Variants in NR3C2 observed in about 807,000 individuals in gnomAD.
NR3C2 encodes the protein nuclear receptor subfamily 3 group C member 2, also known as mineralocorticoid receptor.
A neutral mutation model predicts 86.4 loss-of-function variants in NR3C2; 15 were observed. The ratio of observed to expected loss-of-function variants is 0.17; its 90% CI spans 0.12 to 0.27. The LOEUF (loss-of-function observed/expected upper bound fraction) is 0.27, where lower values mean the gene tolerates loss of function less well. NR3C2 is among the 10% of genes least tolerant of loss of function. The pLI is 1.00. For synonymous variants in NR3C2, 458 were observed against 450.5 expected (o/e 1.02, Z -0.21); for missense variants, 960 against 1,195.6 (o/e 0.80, Z 2.91).
In NR3C2 at chr4:148,385,156, G is replaced by A. The variant is rs72656882; in HGVS notation, c.1757+49948C>T. On this transcript the variant is annotated intron_variant, in intron 2 of 8. Coordinates refer to ENST00000358102, the MANE Select transcript of NR3C2 (RefSeq NM_000901.5). The stretch of plus-strand genomic sequence containing the variant: ...GCAACAATGATACTGCCAAAGAGGG[G>A]CTCTGAGAAATAAAATACCATCCAA... 1.6e-3 allele frequency among the ~76,000 whole-genome samples: 251 copies of A among 152,266 alleles called. 2 individuals are homozygous for A. The highest frequency in any genetic ancestry group is 5.3e-3 in the African/African-American group (221 of 41,572).
At chr4:148,272,461 G>GGT (rs1321505752) in intron 2 of NR3C2, among the ~76,000 whole-genome samples, 1 of 151,978 alleles carries the variant, frequency 6.6e-6, no homozygotes, top group Non-Finnish European at 1.5e-5. Flanking sequence ...TTAAGCCTGT[G>GGT]GTGTGTGTGT....
chr4:148,325,519 A>G (rs560106293), intron 2 of NR3C2, among the ~76,000 whole-genome samples: 94 of 143,562 alleles, frequency 6.5e-4, no homozygotes, highest in Non-Finnish European at 1.1e-3. Context: ...ATGACATTAC[A>G]TTAATGTGCA....
chr4:148,215,528 T>A lies in NR3C2; in HGVS notation c.1898-20666A>T, dbSNP rs181414743. 3.7e-3 allele frequency among the ~76,000 whole-genome samples: 558 copies of A among 152,320 alleles called. 2 individuals carry two copies. Among genetic ancestry groups the A allele is most frequent in the Non-Finnish European group, 4.7e-3 (322 of 68,036 alleles). On this transcript the variant is annotated intron_variant, in intron 3 of 8. Coordinates refer to ENST00000358102, the MANE Select transcript of NR3C2 (RefSeq NM_000901.5). Reference sequence around the variant, plus strand: ...AATTCATTAAACTGCATCACAGCAATGCCACACGTGACCAAGGATATGCAT... The same window carrying A: ...AATTCATTAAACTGCATCACAGCAAAGCCACACGTGACCAAGGATATGCAT...
chr4:148,198,760 GTGA>G, intron 3 of NR3C2, among the ~76,000 whole-genome samples: 1 of 151,998 alleles, frequency 6.6e-6, no homozygotes, highest in Admixed American at 6.5e-5. Context: ...AGAGGTGGTA[GTGA>G]TGAACATTTT....
intron 2 of NR3C2, among the ~76,000 whole-genome samples, chr4:148,408,397 G>C (rs1382313266): frequency 6.6e-6 from 1 of 152,144 alleles, no homozygotes; most frequent in Non-Finnish European, 1.5e-5. Context: ...TGACTATAGA[G>C]GTAGGTTCTC....
intron 8 of NR3C2, among the ~76,000 whole-genome samples, chr4:148,099,241 G>A (rs187913779): frequency 1.3e-5 from 2 of 152,334 alleles, no homozygotes; most frequent in African/African-American, 4.8e-5. Flanking sequence ...ATTTCCAGAT[G>A]GGAGCAGCAG....
chr4:148,142,288 G>A (rs576371635), intron 6 of NR3C2, among the ~76,000 whole-genome samples: 30 of 152,264 alleles, frequency 2.0e-4, no homozygotes, highest in Admixed American at 9.8e-4. Flanking sequence ...GGGCAGGAGC[G>A]TTACTAGGGA....
rs138285510 is a variant in NR3C2, at chr4:148,180,914, G to A, written c.2014+13832C>T. 4.6e-3 allele frequency among the ~76,000 whole-genome samples: 695 copies of A among 152,198 alleles called. 20 individuals are homozygous for A. The highest frequency in any genetic ancestry group is 0.011 in the East Asian group (57 of 5,176). ...TTAGTGAATGATTCCCAGTATTGGC[G>A]TTGTTTCCCTTCCCTCTTCCCCTAG... On this transcript the variant is annotated intron_variant, in intron 4 of 8. Transcript: ENST00000358102.
intron 6 of NR3C2, among the ~76,000 whole-genome samples, chr4:148,122,116 T>C (rs1732534650): frequency 6.6e-6 from 1 of 152,222 alleles, no homozygotes; most frequent in Non-Finnish European, 1.5e-5. Context: ...GAATGGATAG[T>C]ACATGGTTGC....
At chr4:148,269,790 G>A (rs1740581880) in intron 2 of NR3C2, among the ~76,000 whole-genome samples, 2 of 152,146 alleles carry the variant, frequency 1.3e-5, no homozygotes, top group South Asian at 4.1e-4. Context: ...TGAACTTACT[G>A]CCTCATCTGT....
chr4:148,131,690 C>T (rs1325640991), intron 6 of NR3C2, among the ~76,000 whole-genome samples: 1 of 152,154 alleles, frequency 6.6e-6, no homozygotes, highest in Non-Finnish European at 1.5e-5. Flanking sequence ...TTGTGGTCTG[C>T]CTTACTGGTC....
At chr4:148,167,519 T>C (rs556503396) in intron 4 of NR3C2, among the ~76,000 whole-genome samples, 28 of 152,300 alleles carry the variant, frequency 1.8e-4, no homozygotes, top group African/African-American at 6.3e-4. Context: ...GATATGATCA[T>C]AGAGGATAAA....
chr4:148,440,893 G>T (rs1750306565), intron 1 of NR3C2, among the ~76,000 whole-genome samples: 1 of 152,186 alleles, frequency 6.6e-6, no homozygotes, highest in Non-Finnish European at 1.5e-5. Context: ...TGATGGAAAT[G>T]ATAGAAAAGG....
intron 2 of NR3C2, among the ~76,000 whole-genome samples, chr4:148,283,303 A>T (rs188682270): frequency 1.8e-3 from 279 of 152,354 alleles, no homozygotes; most frequent in African/African-American, 6.3e-3. Flanking sequence ...AAAAATTACA[A>T]CATTACAAAA....
At chr4:148,187,617 A>C (rs1054496015) in intron 4 of NR3C2, among the ~76,000 whole-genome samples, 2 of 152,152 alleles carry the variant, frequency 1.3e-5, no homozygotes, top group African/African-American at 4.8e-5. Context: ...TCAGATGTAC[A>C]GAAGATTTTC....
chr4:148,393,716 G>A (rs1747709903), intron 2 of NR3C2, among the ~76,000 whole-genome samples: 2 of 152,080 alleles, frequency 1.3e-5, no homozygotes, highest in Admixed American at 1.3e-4. Flanking sequence ...GAAATGTTGG[G>A]TTGTTTTTTA....
intron 8 of NR3C2, among the ~76,000 whole-genome samples, chr4:148,087,485 CTT>C (rs1224334470): frequency 6.6e-6 from 1 of 152,008 alleles, no homozygotes; most frequent in African/African-American, 2.4e-5. Context: ...TGCTACCTGA[CTT>C]TATACTACAA....
At chr4:148,236,683 T>A (rs764418275) in intron 3 of NR3C2, among the ~76,000 whole-genome samples, 1 of 152,198 alleles carries the variant, frequency 6.6e-6, no homozygotes, top group Non-Finnish European at 1.5e-5. Context: ...TGGACACTCA[T>A]GGTCATCACT....
rs370235379 is a variant in NR3C2 at position 148,127,228 on chromosome 4, TGCAATTGTGCATTTTTTTGC to T, written c.2511-6960_2511-6941del. 2.6e-3 allele frequency among the ~76,000 whole-genome samples: 395 copies of T among 152,358 alleles called. 1 individual carries two copies. Among genetic ancestry groups the T allele is most frequent in the African/African-American group, 8.8e-3 (367 of 41,592 alleles). ...CACATCATTTTTGCACAATTTTTTG[TGCAATTGTGCATTTTTTTGC>T]ACAATTAAATTAAATGTATAGAAAT... On this transcript the variant is annotated intron_variant, in intron 6 of 8. Coordinates refer to ENST00000358102, the MANE Select transcript of NR3C2 (RefSeq NM_000901.5).
Sources: gnomAD v4.1 joint callset for allele counts (sites outside exome capture counted in the v4.1 genomes callset) on GRCh38, gnomAD v4.1.1 for gene constraint, MANE v1.5 for transcripts, NCBI Gene and HGNC (gene_info 2026-07-23, HGNC 2026-07-21) for gene names.